The following MOXD1 variants were observed in gnomAD, a reference collection of about 807,000 sequenced individuals.
MOXD1 encodes the protein DBH-like monooxygenase protein 1.
MOXD1 carries 62 observed loss-of-function variants against 66.6 expected under a neutral mutation model. That is an observed-to-expected ratio of 0.93 (90% CI 0.76 to 1.15). The LOEUF is 1.15. Ranked by LOEUF, MOXD1 falls within the 50% of genes most tolerant of loss-of-function variation. The pLI, the probability that MOXD1 is intolerant of heterozygous loss-of-function variation, is 0.00. For synonymous variants in MOXD1, 303 were observed against 281.9 expected, an observed-to-expected ratio of 1.07 and a Z score of -0.75; for missense variants, 847 against 754.6, an observed-to-expected ratio of 1.12 and a Z score of -1.44.
chr6:132,354,754 G>C (rs1775877942), intron 4 of MOXD1, among the ~76,000 whole-genome samples: 1 of 152,156 alleles, frequency 6.6e-6, no homozygotes, highest in Admixed American at 6.5e-5. Context: ...TACCAGGGTG[G>C]GTAGGGAAGG....
At chr6:132,380,177 C>T (rs1452504111) in intron 1 of MOXD1, among the ~76,000 whole-genome samples, 1 of 152,182 alleles carries the variant, frequency 6.6e-6, no homozygotes, top group South Asian at 2.1e-4. Flanking sequence ...TCCTATCTCC[C>T]ACACTCCACG....
Position 132,324,007 on chromosome 6 carries a change from C to A in MOXD1, c.1037G>T (p.Ser346Ile). Residue 346 changes from serine (S) to isoleucine (I), a missense_variant, in exon 7 of 12, where the codon AGC becomes ATC. Transcript: ENST00000367963. ...CCCTGGAGGGATGGTATGGAAGAGG[C>A]TCACCCAGAGGCCAGCCTCAATCAC... Reference protein sequence around the residue: ...AGVIEAGLWVSLFHTIPPGMP... With the variant: ...AGVIEAGLWVILFHTIPPGMP... 6.2e-7 allele frequency: 1 copy of A among 1,614,010 alleles called. No homozygotes were observed. Among genetic ancestry groups the A allele is most frequent in the Non-Finnish European group, 8.5e-7 (1 of 1,179,950 alleles).
chr6:132,363,565 G>A (rs1257227456), intron 4 of MOXD1, among the ~76,000 whole-genome samples: 1 of 152,006 alleles, frequency 6.6e-6, no homozygotes. Flanking sequence ...AAATTGTATG[G>A]AAAAAGCCCC....
intron 10 of MOXD1, among the ~76,000 whole-genome samples, chr6:132,302,058 A>T (rs925940658): frequency 6.6e-6 from 1 of 152,134 alleles, no homozygotes; most frequent in Non-Finnish European, 1.5e-5. Flanking sequence ...CAGAGGAAAA[A>T]TTTGTATAAG....
At chr6:132,311,976 AG>A (rs1166926056) in intron 10 of MOXD1, among the ~76,000 whole-genome samples, 1 of 152,140 alleles carries the variant, frequency 6.6e-6, no homozygotes, top group Non-Finnish European at 1.5e-5. Flanking sequence ...ATGCTTTTTT[AG>A]GAACAGAACC....
chr6:132,383,795 T>C (rs894069102), intron 1 of MOXD1, among the ~76,000 whole-genome samples: 1 of 152,152 alleles, frequency 6.6e-6, no homozygotes, highest in African/African-American at 2.4e-5. Flanking sequence ...GATGGCTGGG[T>C]GCAGTGGCTC....
At chr6:132,333,070 C>T (rs1012257950) in intron 4 of MOXD1, among the ~76,000 whole-genome samples, 4 of 152,164 alleles carry the variant, frequency 2.6e-5, no homozygotes, top group African/African-American at 9.7e-5. Flanking sequence ...GGCGCTGTGG[C>T]TCACGCCTGT....
chr6:132,314,225 T>A (rs1211407430), intron 10 of MOXD1, among the ~76,000 whole-genome samples: 1 of 152,114 alleles, frequency 6.6e-6, no homozygotes, highest in Admixed American at 6.5e-5. Context: ...ACTGCCTCCA[T>A]GAGATGCCAT....
chr6:132,307,351 G>T (rs566354065), intron 10 of MOXD1, among the ~76,000 whole-genome samples: 2 of 152,162 alleles, frequency 1.3e-5, no homozygotes, highest in Non-Finnish European at 2.9e-5. Flanking sequence ...CAATACAGGA[G>T]CACCCAGATT....
chr6:132,392,180 GT>G, intron 1 of MOXD1: 1 of 1,569,312 alleles, frequency 6.4e-7, no homozygotes, highest in Non-Finnish European at 8.6e-7. Flanking sequence ...AATGCTCACT[GT>G]TTTCTGTGAT....
At chr6:132,316,009 A>G (rs1774943030) in intron 9 of MOXD1, among the ~76,000 whole-genome samples, 1 of 152,186 alleles carries the variant, frequency 6.6e-6, no homozygotes, top group South Asian at 2.1e-4. Context: ...AATTCTGCGG[A>G]TGGGATGTAA....
intron 1 of MOXD1, among the ~76,000 whole-genome samples, chr6:132,377,011 T>C (rs969709830): frequency 6.6e-6 from 1 of 152,242 alleles, no homozygotes; most frequent in Non-Finnish European, 1.5e-5. Flanking sequence ...CTTGGCACTC[T>C]GGCCCCAGAG....
chr6:132,380,195 A>T (rs1776480994), intron 1 of MOXD1, among the ~76,000 whole-genome samples: 1 of 151,970 alleles, frequency 6.6e-6, no homozygotes, highest in Non-Finnish European at 1.5e-5. Flanking sequence ...ACGTTTACAT[A>T]CTCTGTCATA....
Position 132,401,470 on chromosome 6 carries a change from G to A in MOXD1, c.-44C>T, listed in dbSNP as rs1773399299. 1 of 1,435,930 alleles carries A rather than the reference G, an allele frequency of 7.0e-7. No individual in the cohort carries two copies. The highest frequency in any genetic ancestry group is 2.7e-5 in the Admixed American group (1 of 37,528). 88.9% of individuals were successfully genotyped at this position (1,435,930 alleles called of 1,614,324 possible). ...CGCCGGTACCGGCCTCCAGCCGCTGGGGAGTGAGGAGCAGAACGAGGAGCG... is the reference window on the plus strand; with the variant it reads ...CGCCGGTACCGGCCTCCAGCCGCTGAGGAGTGAGGAGCAGAACGAGGAGCG... On this transcript the variant is annotated 5_prime_UTR_variant, in exon 1 of 12. Transcript: ENST00000367963.
At chr6:132,354,507 G>A (rs771053526) in intron 4 of MOXD1, among the ~76,000 whole-genome samples, 1 of 152,224 alleles carries the variant, frequency 6.6e-6, no homozygotes, top group African/African-American at 2.4e-5. Context: ...GATGTGAACT[G>A]TCTATGGGCC....
intron 4 of MOXD1, among the ~76,000 whole-genome samples, chr6:132,336,224 C>G (rs962168445): frequency 3.9e-5 from 6 of 152,176 alleles, no homozygotes; most frequent in African/African-American, 1.4e-4. Flanking sequence ...AAATTCCCAT[C>G]ACTTTTCTTC....
chr6:132,301,955 C>T (rs986270496), intron 10 of MOXD1, among the ~76,000 whole-genome samples: 9 of 152,038 alleles, frequency 5.9e-5, no homozygotes, highest in Admixed American at 2.6e-4. Flanking sequence ...AAGGGAATTT[C>T]GAAACAGAAA....
chr6:132,355,486 C>A (rs1379468704), intron 4 of MOXD1, among the ~76,000 whole-genome samples: 1 of 152,170 alleles, frequency 6.6e-6, no homozygotes, highest in Non-Finnish European at 1.5e-5. Context: ...GGAGCAATGG[C>A]GTGCTAATCC....
intron 1 of MOXD1, chr6:132,392,027 C>A: frequency 1.4e-6 from 1 of 697,870 alleles, no homozygotes; most frequent in Non-Finnish European, 2.3e-6. Flanking sequence ...ATAAATATCT[C>A]TTAACAAAGC....
Sources: allele counts gnomAD v4.1 joint callset (sites outside exome capture counted in the v4.1 genomes callset), GRCh38; gene constraint gnomAD v4.1.1; transcripts MANE v1.5; gene names NCBI Gene and HGNC (gene_info 2026-07-23, HGNC 2026-07-21).